Variants in TMEM94 observed in about 807,000 individuals in gnomAD.
TMEM94 encodes the protein transmembrane protein 94, also known as ER Mg2+ ATPase.
A neutral mutation model predicts 158.6 loss-of-function variants in TMEM94; 81 were observed. The ratio of observed to expected loss-of-function variants is 0.51; its 90% CI spans 0.43 to 0.61. The LOEUF (loss-of-function observed/expected upper bound fraction) is 0.61. Ranked by LOEUF, TMEM94 falls within the 20% of genes least tolerant of loss-of-function variation. TMEM94 has a pLI of 0.00. For missense variants in TMEM94, 1,435 were observed against 1,762.0 expected, an observed-to-expected ratio of 0.81 and a Z score of 3.32; for synonymous variants, 751 against 730.7, an observed-to-expected ratio of 1.03 and a Z score of -0.45.
intron 1 of TMEM94, among the ~76,000 whole-genome samples, chr17:75,464,279 C>T (rs1358233529): frequency 6.6e-6 from 1 of 151,982 alleles, no homozygotes; most frequent in African/African-American, 2.4e-5. Context: ...ATTTTCTACC[C>T]TCTTAAAATA....
rs370635593 is a variant in TMEM94 at position 75,498,997 on chromosome 17, G to T, written c.3913G>T (p.Val1305Leu). Reference sequence around the variant, plus strand: ...CCACGTCCACTTTGGCCTGGAGGACGTGCCCCTGCTGACATGGCTCCTGGG... The same window carrying T: ...CCACGTCCACTTTGGCCTGGAGGACTTGCCCCTGCTGACATGGCTCCTGGG... ...DSHVHFGLED[V>L]PLLTWLLGCL... is the part of the protein sequence containing the mutation. The change falls in exon 31 of 32, where the codon GTG becomes TTG. Residue 1305 changes from valine (V) to leucine (L), a missense_variant. Val to Leu is a conservative substitution (Grantham distance 32). Transcript: ENST00000314256. The surrounding 1 kb of genome is among the most constrained non-coding windows in gnomAD (Gnocchi z 6.7). 1 of 1,602,912 alleles carries T rather than the reference G, an allele frequency of 6.2e-7. No homozygotes were observed. The highest frequency in any genetic ancestry group is 1.1e-5 in the South Asian group (1 of 90,830).
At chr17:75,465,679 A>ATTTT (rs66618031) in intron 1 of TMEM94, among the ~76,000 whole-genome samples, 24 of 124,822 alleles carry the variant, frequency 1.9e-4, no homozygotes, top group South Asian at 1.8e-3. Flanking sequence ...ATATATATAT[A>ATTTT]TTTTTTTTTA....
rs545637419 is a variant in TMEM94 at position 75,487,751 on chromosome 17, G to C, written c.410-181G>C. On this transcript the variant is annotated intron_variant, in intron 5 of 31. Coordinates refer to ENST00000314256, the MANE Select transcript of TMEM94 (RefSeq NM_014738.6). This position sits in a 1 kb window ranked among gnomAD's most constrained non-coding sequence, Gnocchi z 4.6. ...GAGGCTCTGGGGCTGGAGTGGCCGG[G>C]TAGGGCTTTATAAGGGAGGCATCCT... Among the ~76,000 whole-genome samples the C allele has an allele frequency of 7.2e-4, 109 of 152,296 alleles. 2 individuals carry two copies. The highest frequency in any genetic ancestry group is 4.1e-4 in the South Asian group (2 of 4,828).
intron 2 of TMEM94, among the ~76,000 whole-genome samples, chr17:75,482,352 G>T (rs1055714670): frequency 1.5e-5 from 2 of 130,290 alleles, no homozygotes; most frequent in Non-Finnish European, 1.7e-5. Flanking sequence ...TCTCAAAAAA[G>T]AAAAAAAAAA....
At position 75,494,982 on chromosome 17, in the gene TMEM94, C is replaced by G. The variant is rs780595917; in HGVS notation, c.2676C>G (p.Ile892Met). Residue 892 changes from isoleucine to methionine, a missense_variant, in exon 20 of 32, where the codon ATC (isoleucine) becomes ATG (methionine). Ile to Met is a conservative substitution (Grantham distance 10). This residue lies in a region of TMEM94 where 1,051 missense variants were observed against 1,254.4 expected (regional missense o/e 0.84). Transcript: ENST00000314256. ...TPNGDMPGSE[I>M]PPSSPSHAGS... ...ATGGTGACATGCCTGGCTCCGAGAT[C>G]CCCCCCTCCAGCCCCAGCCACGCAG... is the stretch of plus-strand genomic sequence containing the variant. The G allele has an allele frequency of 2.5e-6, 4 of 1,613,330 alleles. No homozygotes were observed. In the East Asian group the frequency reaches 6.7e-5, roughly 27 times the overall value.
At chr17:75,461,334 A>G (rs1475138212) in intron 1 of TMEM94, among the ~76,000 whole-genome samples, 2 of 151,882 alleles carry the variant, frequency 1.3e-5, no homozygotes, top group Non-Finnish European at 2.9e-5. Context: ...TCCTGACCCC[A>G]GATGATCCGC....
chr17:75,460,048 G>A (rs1268152064), intron 1 of TMEM94, among the ~76,000 whole-genome samples: 2 of 152,198 alleles, frequency 1.3e-5, no homozygotes, highest in Admixed American at 6.6e-5. Context: ...CCACTGAGAC[G>A]GTAGTAAACA....
Position 75,488,174 on chromosome 17 carries a change from G to A in TMEM94, c.612+40G>A, listed in dbSNP as rs372181933. ...TCCTTCTCCCTTGGAAATGCGGTGG[G>A]AACATCCACAGGCAACGATGGGAGG... On this transcript the variant is annotated intron_variant, in intron 6 of 31. Coordinates refer to ENST00000314256, the MANE Select transcript of TMEM94 (RefSeq NM_014738.6). 1.9e-6 allele frequency: 3 copies of A among 1,598,764 alleles called. No homozygotes were observed. In the African/African-American group the frequency reaches 4.0e-5, roughly 21 times the overall value.
rs749164900 is a variant in TMEM94, at chr17:75,463,178, G to GTATATATATATATATA, written c.-107+6432_-107+6447dup. 3.3e-4 allele frequency among the ~76,000 whole-genome samples: 5 copies of GTATATATATATATATA among 15,082 alleles called. 1 individual carries two copies. Among genetic ancestry groups the GTATATATATATATATA allele is most frequent in the African/African-American group, 8.3e-4 (5 of 6,060 alleles). 9.9% of individuals were successfully genotyped at this position (15,082 alleles called of 152,430 possible). A position where few individuals can be genotyped will look rare whatever the true frequency, so the allele number is the denominator to read the frequency against. On this transcript the variant is annotated intron_variant, in intron 1 of 31. Coordinates refer to ENST00000314256, the MANE Select transcript of TMEM94 (RefSeq NM_014738.6). ...TATATATATGTGTGTGTGTGTGTGT[G>GTATATATATATATATA]TATATATATATATATATATACAGTT... is the stretch of plus-strand genomic sequence containing the variant.
At chr17:75,484,049 G>T (rs1025394462) in intron 2 of TMEM94, among the ~76,000 whole-genome samples, 6 of 152,200 alleles carry the variant, frequency 3.9e-5, no homozygotes, top group African/African-American at 1.2e-4. Flanking sequence ...ACAGGGAAAG[G>T]CTGGGCCACA....
intron 2 of TMEM94, among the ~76,000 whole-genome samples, chr17:75,478,077 G>A (rs1452803310): frequency 2.5e-5 from 3 of 120,568 alleles, no homozygotes; most frequent in African/African-American, 9.6e-5. Flanking sequence ...GTGCAGTGGC[G>A]GGATCTCGGC....
intron 2 of TMEM94, among the ~76,000 whole-genome samples, chr17:75,476,917 C>A (rs1467515145): frequency 6.6e-6 from 1 of 152,156 alleles, no homozygotes; most frequent in Non-Finnish European, 1.5e-5. Flanking sequence ...GGAATGAGAG[C>A]CAGAAGGCCA....
rs747892508 is a variant in TMEM94, at chr17:75,491,905, C to T, written c.1596+5C>T. 64 of 1,607,170 alleles carry T rather than the reference C, an allele frequency of 4.0e-5. No individual in the cohort carries two copies. Among genetic ancestry groups the T allele is most frequent in the African/African-American group, 5.3e-5 (4 of 74,868 alleles). On this transcript the variant is annotated splice_donor_5th_base_variant and intron_variant, in intron 14 of 31. Transcript: ENST00000314256. This position sits in a 1 kb window ranked among gnomAD's most constrained non-coding sequence, Gnocchi z 5.1. ...GGTGAAGAAGAGCCCAGCAAGGTGACGGGAGGGGGTGGCACGGGGCAGCCA... is the reference window on the plus strand; with the variant it reads ...GGTGAAGAAGAGCCCAGCAAGGTGATGGGAGGGGGTGGCACGGGGCAGCCA...
intron 1 of TMEM94, among the ~76,000 whole-genome samples, chr17:75,463,277 G>A (rs2050179853): frequency 1.3e-5 from 2 of 148,556 alleles, no homozygotes; most frequent in Admixed American, 6.7e-5. Context: ...CCTGTTTTGG[G>A]GCCTCCCAGA....
At chr17:75,462,495 C>G (rs533743336) in intron 1 of TMEM94, among the ~76,000 whole-genome samples, 252 of 151,542 alleles carry the variant, frequency 1.7e-3, no homozygotes, top group Non-Finnish European at 3.1e-3. Context: ...TTGGTTCCCT[C>G]TAGTGATGGG....
chr17:75,463,093 CAT>C lies in TMEM94; in HGVS notation c.-107+6349_-107+6350del, dbSNP rs1443664379. On this transcript the variant is annotated intron_variant, in intron 1 of 31. Transcript: ENST00000314256. ...ATATATATATATACACACACACACA[CAT>C]ATATATGTGTGTATATATATGTATA... Among the ~76,000 whole-genome samples the C allele has an allele frequency of 3.5e-4, 3 of 8,632 alleles. No homozygotes were observed. The African/African-American group carries it at 5.7e-3, about 16-fold the overall frequency. The allele number at this position is 8,632 out of a possible 152,430, so 5.7% of individuals were successfully genotyped here.
intron 2 of TMEM94, among the ~76,000 whole-genome samples, chr17:75,475,531 T>C (rs1395176558): frequency 6.6e-6 from 1 of 152,216 alleles, no homozygotes; most frequent in Non-Finnish European, 1.5e-5. Context: ...CCACTCCCCA[T>C]GCCTCGGCCC....
chr17:75,496,205 A>G (rs749606938), intron 23 of TMEM94, 77 bp from the exon 24 acceptor site: 27 of 1,590,640 alleles, frequency 1.7e-5, no homozygotes, highest in Non-Finnish European at 2.2e-5. Flanking sequence ...GCACCTGGGC[A>G]TGGTGGGAGA....
At position 75,482,984 on chromosome 17, in the gene TMEM94, C is replaced by T. The variant is rs150644764; in HGVS notation, c.25-2444C>T. ...CTGCAGGCCAGGTTGCCCAGGACACCATTGACATGTAAACCTCCCCTGAAG... is the reference window on the plus strand; with the variant it reads ...CTGCAGGCCAGGTTGCCCAGGACACTATTGACATGTAAACCTCCCCTGAAG... On this transcript the variant is annotated intron_variant, in intron 2 of 31. Coordinates refer to ENST00000314256, the MANE Select transcript of TMEM94 (RefSeq NM_014738.6). 7.8e-3 allele frequency among the ~76,000 whole-genome samples: 1,185 copies of T among 152,230 alleles called. 10 individuals are homozygous for T. The highest frequency in any genetic ancestry group is 0.026 in the African/African-American group (1,095 of 41,528).
Sources: gnomAD v4.1 joint callset for allele counts (sites outside exome capture counted in the v4.1 genomes callset) on GRCh38, gnomAD v4.1.1 for gene constraint, gnomAD v4.1.1 regional missense constraint, Gnocchi (gnomAD v3.1) non-coding constraint, MANE v1.5 for transcripts, NCBI Gene and HGNC (gene_info 2026-07-23, HGNC 2026-07-21) for gene names.